The following PLEKHG7 variants were observed in gnomAD, a reference collection of about 807,000 sequenced individuals.
PLEKHG7 encodes the protein pleckstrin homology domain-containing family G member 7.
PLEKHG7 carries 77 observed loss-of-function variants against 85.2 expected under a neutral mutation model. That is an observed-to-expected ratio of 0.90 (90% CI 0.75 to 1.09). The LOEUF is 1.09. PLEKHG7 is among the 50% of genes least tolerant of loss of function. The pLI is 0.00. For missense variants in PLEKHG7, 777 were observed against 804.3 expected (o/e 0.97, Z 0.41); for synonymous variants, 301 against 302.4 (o/e 1.00, Z 0.05).
intron 3 of PLEKHG7, chr12:92,721,523 G>A: frequency 8.1e-7 from 1 of 1,228,068 alleles, no homozygotes; most frequent in Non-Finnish European, 1.0e-6. Context: ...CGCAACTCAG[G>A]GTTAGTGAAA....
intron 10 of PLEKHG7, among the ~76,000 whole-genome samples, chr12:92,749,293 G>GTATT (rs1191561831): frequency 1.3e-5 from 2 of 150,978 alleles, no homozygotes; most frequent in African/African-American, 2.5e-5. Context: ...ATTTATTTAT[G>GTATT]TATTTATTTA....
At chr12:92,705,238 C>T (rs1019454751) in intron 1 of PLEKHG7, among the ~76,000 whole-genome samples, 11 of 152,184 alleles carry the variant, frequency 7.2e-5, no homozygotes, top group African/African-American at 2.7e-4. Context: ...CTCCACAGAA[C>T]TATAGTAAAC....
In PLEKHG7 at chr12:92,755,978, C is replaced by G. The variant is rs760179365; in HGVS notation, c.1542+38C>G. ...AATCAATTAGGACTTATGTCCATTT[C>G]TGGAATTTGGGCATTCAGATAGAAA... On this transcript the variant is annotated intron_variant, in intron 12 of 16. Coordinates refer to ENST00000344636, the MANE Select transcript of PLEKHG7 (RefSeq NM_001377329.1). 3.5e-6 allele frequency: 5 copies of G among 1,424,624 alleles called. No homozygotes were observed. In the South Asian group the frequency reaches 6.0e-5, roughly 17 times the overall value. 88.2% of individuals were successfully genotyped at this position (1,424,624 alleles called of 1,614,324 possible).
intron 15 of PLEKHG7, among the ~76,000 whole-genome samples, chr12:92,766,812 G>A (rs1873214131): frequency 2.6e-5 from 4 of 152,154 alleles, no homozygotes; most frequent in African/African-American, 9.7e-5. Context: ...CCTGGGTGAT[G>A]GAGTGAGACT....
At chr12:92,715,880 G>T (rs372995252) in intron 3 of PLEKHG7, among the ~76,000 whole-genome samples, 196 of 152,250 alleles carry the variant, frequency 1.3e-3, no homozygotes, top group Middle Eastern at 6.8e-3. Flanking sequence ...TGGCAGAATT[G>T]CAAGAGACTG....
At chr12:92,724,768 C>T (rs572275541) in intron 3 of PLEKHG7, among the ~76,000 whole-genome samples, 2 of 152,118 alleles carry the variant, frequency 1.3e-5, no homozygotes, top group Non-Finnish European at 2.9e-5. Context: ...ATGCTTGAGC[C>T]TCCATTTAAA....
At chr12:92,707,162 C>T in intron 2 of PLEKHG7, 24 bp downstream of exon 2, 1 of 1,591,212 alleles carries the variant, frequency 6.3e-7, no homozygotes, top group Non-Finnish European at 8.6e-7. Flanking sequence ...AAGCCTCCGG[C>T]CTCTCAGTTG....
intron 10 of PLEKHG7, chr12:92,749,853 A>ATATTTTAATT (rs1555195905): frequency 1.3e-4 from 19 of 148,646 alleles, no homozygotes; most frequent in Middle Eastern, 3.5e-3. Context: ...ATTTATTAGG[A>ATATTTTAATT]TATTTTATTT....
At chr12:92,711,598 C>T (rs1270332373) in intron 3 of PLEKHG7, among the ~76,000 whole-genome samples, 1 of 152,160 alleles carries the variant, frequency 6.6e-6, no homozygotes, top group African/African-American at 2.4e-5. Context: ...CACCAAAGCC[C>T]AGTAACAGGC....
At chr12:92,764,697 A>G (rs1178388018) in intron 15 of PLEKHG7, among the ~76,000 whole-genome samples, 1 of 152,118 alleles carries the variant, frequency 6.6e-6, no homozygotes, top group African/African-American at 2.4e-5. Context: ...TCTACATGAC[A>G]CATGCATCAG....
intron 1 of PLEKHG7, among the ~76,000 whole-genome samples, 188 bp from the exon 2 acceptor site, chr12:92,706,283 C>T (rs996120205): frequency 6.6e-5 from 10 of 152,116 alleles, no homozygotes; most frequent in Non-Finnish European, 1.3e-4. Flanking sequence ...GACTTCAATA[C>T]GCTATTTAGA....
At chr12:92,709,340 T>C (rs1211360195) in intron 3 of PLEKHG7, among the ~76,000 whole-genome samples, 1 of 152,248 alleles carries the variant, frequency 6.6e-6, no homozygotes, top group African/African-American at 2.4e-5. Flanking sequence ...TCCAAGCTTC[T>C]GGCTTGTTCA....
intron 13 of PLEKHG7, among the ~76,000 whole-genome samples, chr12:92,760,334 T>A (rs1565797127): frequency 1.3e-5 from 2 of 152,066 alleles, no homozygotes; most frequent in African/African-American, 2.4e-5. Flanking sequence ...ATATGATTTT[T>A]AAAAAAACTA....
intron 3 of PLEKHG7, chr12:92,721,357 G>T (rs912732227): frequency 1.1e-5 from 10 of 884,100 alleles, no homozygotes; most frequent in African/African-American, 1.7e-5. Context: ...GGGAATTCCC[G>T]GGATGCTCTG....
At chr12:92,761,612 A>AAAG in intron 13 of PLEKHG7, 140 bp from the exon 14 acceptor site, 3 of 1,043,320 alleles carry the variant, frequency 2.9e-6, no homozygotes, top group African/African-American at 1.9e-5. Context: ...AAAGAAAAAG[A>AAAG]AAGAAAGAAA....
rs534692527 is a variant in PLEKHG7 at position 92,706,644 on chromosome 12, G to A, written c.13G>A (p.Glu5Lys). The change falls in exon 2 of 17, where the codon GAG (glutamate) becomes AAG (lysine). Residue 5 changes from glutamate (E) to lysine (K), a missense_variant. By Grantham distance (56) the Glu-to-Lys change is moderately conservative. Around this residue, in one of 3 missense-constraint regions of PLEKHG7, gnomAD observed 252 missense variants for 241.9 expected, o/e 1.04. Coordinates refer to ENST00000344636, the MANE Select transcript of PLEKHG7 (RefSeq NM_001377329.1). ...ACCTCTTAGCTTTATGGAGAAAACA[G>A]AGTCATTCTGTCCAGAGGTGCCACC... MEKTESFCPEVPPQD... is the reference protein window; with the variant it reads MEKTKSFCPEVPPQD... 5 of 1,609,366 alleles carry A rather than the reference G, an allele frequency of 3.1e-6. No homozygotes were observed. The highest frequency in any genetic ancestry group is 1.7e-5 in the Admixed American group (1 of 58,926).
chr12:92,757,164 T>G lies in PLEKHG7; in HGVS notation c.1636+773T>G, dbSNP rs529404238. 2.6e-5 allele frequency among the ~76,000 whole-genome samples: 4 copies of G among 152,346 alleles called. No individual in the cohort carries two copies. In the South Asian group the frequency reaches 8.3e-4, roughly 32 times the overall value. ...TCAGCCTTTTCTGCCTGTACAACCTTGGGCCATTTACAGTGATCTCCTGTG... is the reference window on the plus strand; with the variant it reads ...TCAGCCTTTTCTGCCTGTACAACCTGGGGCCATTTACAGTGATCTCCTGTG... On this transcript the variant is annotated intron_variant, in intron 13 of 16. Coordinates refer to ENST00000344636, the MANE Select transcript of PLEKHG7 (RefSeq NM_001377329.1).
At position 92,706,603 on chromosome 12, in the gene PLEKHG7, T is replaced by C. The variant is rs1156428424; in HGVS notation, c.-29T>C. ...AGCAACTCATACGTCTTCTGGAACC[T>C]TCTACCAACAGTAGAACCTCTTAGC... is the stretch of plus-strand genomic sequence containing the variant. On this transcript the variant is annotated 5_prime_UTR_variant, in exon 2 of 17. Transcript: ENST00000344636. The C allele has an allele frequency of 1.3e-6, 2 of 1,561,388 alleles. No homozygotes were observed. Among genetic ancestry groups the C allele is most frequent in the Admixed American group, 2.0e-5 (1 of 51,204 alleles).
At chr12:92,729,256 C>T in intron 4 of PLEKHG7, 136 bp downstream of exon 4, 1 of 1,080,658 alleles carries the variant, frequency 9.3e-7, no homozygotes, top group Non-Finnish European at 1.2e-6. Flanking sequence ...TCACCAATTA[C>T]AACGGGCACC....
Sources: gnomAD v4.1 joint callset for allele counts (sites outside exome capture counted in the v4.1 genomes callset) on GRCh38, gnomAD v4.1.1 for gene constraint, gnomAD v4.1.1 regional missense constraint, MANE v1.5 for transcripts, NCBI Gene and HGNC (gene_info 2026-07-23, HGNC 2026-07-21) for gene names.